LRRC47: variants seen among roughly 807,000 people sequenced by gnomAD.
The protein encoded by LRRC47 is leucine-rich repeat-containing protein 47.
LRRC47 carries 31 observed loss-of-function variants against 40.9 expected under a neutral mutation model. The observed-to-expected ratio is 0.76, with a 90% CI of 0.57 to 1.02. LRRC47 has a LOEUF of 1.02. Ranked by LOEUF, LRRC47 falls within the 50% of genes least tolerant of loss-of-function variation. The pLI, the probability that LRRC47 is intolerant of heterozygous loss-of-function variation, is 0.00. For missense variants in LRRC47, 726 were observed against 796.1 expected, an observed-to-expected ratio of 0.91 and a Z score of 1.06; for synonymous variants, 427 against 371.9, an observed-to-expected ratio of 1.15 and a Z score of -1.70.
rs529824216 is a variant in LRRC47 at position 3,786,798 on chromosome 1, G to A, written c.1077+51C>T. On this transcript the variant is annotated intron_variant, in intron 2 of 6. Transcript: ENST00000378251. Reference sequence around the variant, plus strand: ...GGCCTCAGGATGTGTCCCAGCTTGCGGCGTCTCACACCTCTGTCCCAGTCA... The same window carrying A: ...GGCCTCAGGATGTGTCCCAGCTTGCAGCGTCTCACACCTCTGTCCCAGTCA... 6.9e-5 allele frequency: 102 copies of A among 1,483,456 alleles called. No individual in the cohort carries two copies. The Middle Eastern group carries it at 6.9e-4, about 10-fold the overall frequency. 91.9% of individuals were successfully genotyped at this position (1,483,456 alleles called of 1,614,324 possible). A position where few individuals can be genotyped will look rare whatever the true frequency, so the allele number is the denominator to read the frequency against.
At chr1:3,795,583 A>G (rs559707060) in intron 1 of LRRC47, among the ~76,000 whole-genome samples, 123 of 152,374 alleles carry the variant, frequency 8.1e-4, no homozygotes, top group African/African-American at 2.8e-3. Flanking sequence ...TAACAATTAC[A>G]AAATAGCGTA....
intron 2 of LRRC47, among the ~76,000 whole-genome samples, chr1:3,785,852 A>G (rs986635813): frequency 6.6e-6 from 1 of 151,938 alleles, no homozygotes; most frequent in Non-Finnish European, 1.5e-5. Context: ...ATATCAAAAA[A>G]TCAAGGAACC....
intron 1 of LRRC47, among the ~76,000 whole-genome samples, chr1:3,789,900 G>C (rs1643610960): frequency 6.6e-6 from 1 of 152,222 alleles, no homozygotes; most frequent in Admixed American, 6.5e-5. Context: ...GGGTGGATGA[G>C]GGTGGCGTCA....
chr1:3,793,116 CT>C (rs200790669), intron 1 of LRRC47, among the ~76,000 whole-genome samples: 3,629 of 145,408 alleles, frequency 0.025, 73 homozygotes, highest in East Asian at 0.11. Flanking sequence ...TTCCAACTAC[CT>C]TTTTTTTTTT....
chr1:3,782,891 T>C lies in LRRC47; in HGVS notation c.1311-128A>G, dbSNP rs540238462. The C allele has an allele frequency of 1.3e-5, 9 of 674,066 alleles. No homozygotes were observed. The East Asian group carries it at 2.4e-4, about 18-fold the overall frequency. 41.8% of individuals were successfully genotyped at this position (674,066 alleles called of 1,614,324 possible). A position where few individuals can be genotyped will look rare whatever the true frequency, so the allele number is the denominator to read the frequency against. On this transcript the variant is annotated intron_variant, in intron 4 of 6. Transcript: ENST00000378251. ...AGGAGGGCTGCATGGGCCCAGGAGT[T>C]GGCTGGGGTGTGCTGTGCCAATGGA...
rs1248822881 is a variant in LRRC47 at position 3,784,168 on chromosome 1, C to T, written c.1195-57G>A. The T allele has an allele frequency of 3.4e-6, 5 of 1,464,184 alleles. No homozygotes were observed. In the Admixed American group the frequency reaches 5.8e-5, roughly 17 times the overall value. 90.7% of individuals were successfully genotyped at this position (1,464,184 alleles called of 1,614,324 possible). A position where few individuals can be genotyped will look rare whatever the true frequency, so the allele number is the denominator to read the frequency against. On this transcript the variant is annotated intron_variant, in intron 3 of 6. Coordinates refer to ENST00000378251, the MANE Select transcript of LRRC47 (RefSeq NM_020710.3). ...GGTCACAGCCACAGAACTCGCCCAT[C>T]GTGTCGATTACGGCCTTAAGCCTCA...
rs1461082616 is a variant in LRRC47 at position 3,795,986 on chromosome 1, C to T, written c.491G>A (p.Cys164Tyr). The T allele has an allele frequency of 2.5e-6, 4 of 1,574,028 alleles. No individual in the cohort carries two copies. In the Admixed American group the frequency reaches 7.5e-5, roughly 29 times the overall value. Residue 164 changes from cysteine to tyrosine, a missense_variant, in exon 1 of 7, where the codon TGC (cysteine) becomes TAC (tyrosine). Transcript: ENST00000378251. ...RLQSLNLTGNCLDSFPAELFR... is the reference protein window; with the variant it reads ...RLQSLNLTGNYLDSFPAELFR... ...GAGCTCGGCGGGAAAGGAGTCTAGG[C>T]AATTGCCGGTGAGGTTGAGGCTCTG... is the stretch of plus-strand genomic sequence containing the variant.
intron 4 of LRRC47, chr1:3,783,623 C>A (rs1643542824): frequency 5.3e-6 from 1 of 188,324 alleles, no homozygotes; most frequent in African/African-American, 2.3e-5. Flanking sequence ...GCACCAAGGA[C>A]CCTGACTTGG....
chr1:3,781,966 G>C (rs1207668749), intron 5 of LRRC47, among the ~76,000 whole-genome samples: 3 of 152,166 alleles, frequency 2.0e-5, no homozygotes, highest in East Asian at 1.9e-4. Flanking sequence ...CGGCAACACA[G>C]CAAGACCTAT....
Position 3,780,907 on chromosome 1 carries a change from C to T in LRRC47, c.*181G>A. The T allele has an allele frequency of 1.2e-6, 1 of 863,108 alleles. No homozygotes were observed. The highest frequency in any genetic ancestry group is 1.8e-5 in the South Asian group (1 of 55,460). 53.5% of individuals were successfully genotyped at this position (863,108 alleles called of 1,614,324 possible). Reference sequence around the variant, plus strand: ...AGGAGAATCGCTTGAACCCAGGAGACACAGGCTGCAGTGACTCGAGATCAC... The same window carrying T: ...AGGAGAATCGCTTGAACCCAGGAGATACAGGCTGCAGTGACTCGAGATCAC... On this transcript the variant is annotated 3_prime_UTR_variant, in exon 7 of 7. Coordinates refer to ENST00000378251, the MANE Select transcript of LRRC47 (RefSeq NM_020710.3).
rs192937236 is a variant in LRRC47 at position 3,790,039 on chromosome 1, G to C, written c.616-2729C>G. ...CTGACACCTGATGGGATGAAATGCC[G>C]TCACCTGTCACCCGGAGCTGACACT... On this transcript the variant is annotated intron_variant, in intron 1 of 6. Coordinates refer to ENST00000378251, the MANE Select transcript of LRRC47 (RefSeq NM_020710.3). Among the ~76,000 whole-genome samples the C allele has an allele frequency of 1.1e-4, 17 of 152,312 alleles. No individual in the cohort carries two copies. In the East Asian group the frequency reaches 2.1e-3, roughly 19 times the overall value.
chr1:3,781,739 G>T, intron 5 of LRRC47, 138 bp from the exon 6 acceptor site: 1 of 706,624 alleles, frequency 1.4e-6, no homozygotes, highest in Non-Finnish European at 2.5e-6. Flanking sequence ...CAGCACTTTG[G>T]GAGGTTGATG....
At chr1:3,784,886 T>G (rs1192797611) in intron 3 of LRRC47, 1 of 327,068 alleles carries the variant, frequency 3.1e-6, no homozygotes, top group African/African-American at 2.2e-5. Context: ...ACTCAGCTAT[T>G]CGGGAGGCTG....
At position 3,796,444 on chromosome 1, in the gene LRRC47, C is replaced by G; in HGVS notation, c.33G>C (p.Pro11=). The change falls in exon 1 of 7, where the codon CCG becomes CCC. Residue 11 remains proline (P), a synonymous_variant. Transcript: ENST00000378251. ...GCTCGCGCTCAGCCAGCTCCAGCTCCGGCCAAGACTCTGACACCGCTGCCG... is the reference window on the plus strand; with the variant it reads ...GCTCGCGCTCAGCCAGCTCCAGCTCGGGCCAAGACTCTGACACCGCTGCCG... The part of the protein sequence containing the change: MAAAAVSESW[P]ELELAERERR... 1.3e-6 allele frequency: 2 copies of G among 1,523,088 alleles called. No homozygotes were observed. The highest frequency in any genetic ancestry group is 1.2e-5 in the South Asian group (1 of 83,322). The allele number at this position is 1,523,088 out of a possible 1,614,324, so 94.3% of individuals were successfully genotyped here. A position where few individuals can be genotyped will look rare whatever the true frequency, so the allele number is the denominator to read the frequency against.
intron 1 of LRRC47, among the ~76,000 whole-genome samples, chr1:3,789,022 T>C (rs1429896588): frequency 1.3e-5 from 2 of 152,188 alleles, no homozygotes; most frequent in South Asian, 2.1e-4. Flanking sequence ...TGGGCTGGGA[T>C]AGACTTGTTG....
At chr1:3,783,960 C>T (rs765438214) in intron 4 of LRRC47, 36 bp downstream of exon 4, 40 of 1,553,520 alleles carry the variant, frequency 2.6e-5, no homozygotes, top group Non-Finnish European at 3.2e-5. Flanking sequence ...GGCACTCCCC[C>T]GGGCCCGGCC....
rs1643559693 is a variant in LRRC47, at chr1:3,785,114, G to A, written c.1167C>T (p.Tyr389=). 6.2e-7 allele frequency: 1 copy of A among 1,601,522 alleles called. No individual in the cohort carries two copies. Among genetic ancestry groups the A allele is most frequent in the Non-Finnish European group, 8.5e-7 (1 of 1,174,248 alleles). ...TGAGGTCCTGTGGGGGCCGGGCGCA[G>A]TACAGCAGGGGCCCTTTGACGGCAC... The part of the protein sequence containing the change: ...ELRAVKGPLL[Y]CARPPQDLKI... Residue 389 remains tyrosine (Y), a synonymous_variant, in exon 3 of 7, where the codon TAC becomes TAT. Coordinates refer to ENST00000378251, the MANE Select transcript of LRRC47 (RefSeq NM_020710.3).
intron 1 of LRRC47, among the ~76,000 whole-genome samples, chr1:3,795,166 C>G (rs964529948): frequency 3.6e-4 from 54 of 152,004 alleles, no homozygotes; most frequent in African/African-American, 1.3e-3. Flanking sequence ...GAGAGAACAT[C>G]TGGCTGGGTT....
Position 3,779,150 on chromosome 1 carries a change from G to A in LRRC47, c.*1938C>T, listed in dbSNP as rs768307966. The A allele has an allele frequency of 4.1e-4, 63 of 152,344 alleles. No individual in the cohort carries two copies. Among genetic ancestry groups the A allele is most frequent in the Non-Finnish European group, 7.5e-4 (51 of 68,128 alleles). The allele number at this position is 152,344 out of a possible 1,614,324, so 9.4% of individuals were successfully genotyped here. Reference sequence around the variant, plus strand: ...GTGGGCGAGACGGGAAGGCCTGGCGGTGACCAGACAAGTGGGTCCAGGTCT... The same window carrying A: ...GTGGGCGAGACGGGAAGGCCTGGCGATGACCAGACAAGTGGGTCCAGGTCT... On this transcript the variant is annotated 3_prime_UTR_variant, in exon 7 of 7. Coordinates refer to ENST00000378251, the MANE Select transcript of LRRC47 (RefSeq NM_020710.3).
Sources: gnomAD v4.1 joint callset for allele counts (sites outside exome capture counted in the v4.1 genomes callset) on GRCh38, gnomAD v4.1.1 for gene constraint, MANE v1.5 for transcripts, NCBI Gene and HGNC (gene_info 2026-07-23, HGNC 2026-07-21) for gene names.